Variants in VWA8 observed in about 807,000 individuals in gnomAD.
The protein encoded by VWA8 is von Willebrand factor A domain-containing protein 8.
VWA8 carries 221 observed loss-of-function variants against 241.5 expected under a neutral mutation model. That is an observed-to-expected ratio of 0.91 (90% CI 0.82 to 1.02). The LOEUF (loss-of-function observed/expected upper bound fraction) is 1.02. Ranked by LOEUF, VWA8 falls within the 50% of genes least tolerant of loss-of-function variation. The probability of loss-of-function intolerance (pLI) is 0.00; values close to 1 mark genes in which losing one functional copy is unlikely to be tolerated. For synonymous variants in VWA8, 852 were observed against 827.1 expected, an observed-to-expected ratio of 1.03 and a Z score of -0.52; for missense variants, 2,322 against 2,328.7, an observed-to-expected ratio of 1.00 and a Z score of 0.06.
chr13:41,796,278 A>T (rs1023530003), intron 17 of VWA8, among the ~76,000 whole-genome samples: 2 of 152,080 alleles, frequency 1.3e-5, no homozygotes, highest in Admixed American at 6.5e-5. Context: ...TAAGGCAGGG[A>T]TTCTAAATTT....
At chr13:41,575,598 T>A in intron 43 of VWA8, 142 bp downstream of exon 43, 1 of 584,478 alleles carries the variant, frequency 1.7e-6, no homozygotes. Context: ...GCATGATGGG[T>A]GTTTTCTCAG....
chr13:41,790,878 T>C (rs931616340), intron 17 of VWA8, among the ~76,000 whole-genome samples: 5 of 151,856 alleles, frequency 3.3e-5, no homozygotes, highest in Admixed American at 3.3e-4. Flanking sequence ...CAGATAAAAA[T>C]TGTTGCAATC....
chr13:41,602,820 T>C (rs924312108), intron 40 of VWA8, among the ~76,000 whole-genome samples: 3 of 152,034 alleles, frequency 2.0e-5, no homozygotes, highest in East Asian at 1.9e-4. Context: ...ACAATGACGA[T>C]GTAAAGCACC....
intron 37 of VWA8, among the ~76,000 whole-genome samples, chr13:41,621,502 G>A (rs896675621): frequency 6.6e-6 from 1 of 152,166 alleles, no homozygotes; most frequent in African/African-American, 2.4e-5. Flanking sequence ...GAACCATTCT[G>A]AACACCATTC....
At chr13:41,833,309 C>T in intron 13 of VWA8, 62 bp downstream of exon 13, 5 of 1,502,470 alleles carry the variant, frequency 3.3e-6, no homozygotes, top group Non-Finnish European at 2.7e-6. Flanking sequence ...ATAGTTCCAT[C>T]TTTACTGCTT....
At chr13:41,666,613 G>T (rs1429354139) in intron 37 of VWA8, among the ~76,000 whole-genome samples, 1 of 152,054 alleles carries the variant, frequency 6.6e-6, no homozygotes, top group Non-Finnish European at 1.5e-5. Flanking sequence ...TTGCAAAATG[G>T]AAACTGGCAA....
At chr13:41,712,056 T>C in intron 26 of VWA8, among the ~76,000 whole-genome samples, 1 of 151,704 alleles carries the variant, frequency 6.6e-6, no homozygotes, top group Admixed American at 6.6e-5. Flanking sequence ...CTCATGGACA[T>C]AGAGAATGGA....
intron 24 of VWA8, 151 bp from the exon 25 acceptor site, chr13:41,721,726 A>C: frequency 1.4e-6 from 1 of 729,138 alleles, no homozygotes; most frequent in Non-Finnish European, 2.1e-6. Context: ...AAGAAAGCAA[A>C]AGACTGAAGC....
chr13:41,790,516 CAGTT>C, intron 17 of VWA8, among the ~76,000 whole-genome samples: 1 of 152,082 alleles, frequency 6.6e-6, no homozygotes, highest in Middle Eastern at 3.4e-3. Context: ...ATATCAGAAA[CAGTT>C]AATCTTCATT....
intron 21 of VWA8, among the ~76,000 whole-genome samples, chr13:41,735,352 A>G (rs1019081198): frequency 1.5e-4 from 23 of 152,316 alleles, no homozygotes; most frequent in Admixed American, 1.0e-3. Context: ...TTAAAAAGAA[A>G]ATGAAGTTGC....
At chr13:41,878,574 A>C (rs1874013503) in intron 9 of VWA8, among the ~76,000 whole-genome samples, 1 of 152,142 alleles carries the variant, frequency 6.6e-6, no homozygotes. Flanking sequence ...CAGTTTACTG[A>C]GTTACAACTG....
chr13:41,960,973 C>T lies in VWA8; in HGVS notation c.43G>A (p.Gly15Ser), dbSNP rs543752211. The change falls in exon 1 of 45, where the codon GGC (glycine) becomes AGC (serine). Residue 15 changes from glycine (G) to serine (S), a missense_variant. By Grantham distance (56) the Gly-to-Ser change is moderately conservative. Transcript: ENST00000379310. ...LLLLGAPGGH[G>S]GPASRRMRLL... Reference sequence around the variant, plus strand: ...CGCATGCGCCGCGAGGCCGGGCCGCCGTGGCCTCCGGGTGCCCCGAGGAGT... The same window carrying T: ...CGCATGCGCCGCGAGGCCGGGCCGCTGTGGCCTCCGGGTGCCCCGAGGAGT... 8.0e-5 allele frequency: 115 copies of T among 1,429,290 alleles called. No individual in the cohort carries two copies. Among genetic ancestry groups the T allele is most frequent in the South Asian group, 6.6e-4 (45 of 68,582 alleles). 88.5% of individuals were successfully genotyped at this position (1,429,290 alleles called of 1,614,324 possible). A position where few individuals can be genotyped will look rare whatever the true frequency, so the allele number is the denominator to read the frequency against.
chr13:41,570,179 T>G (rs1405136242), intron 44 of VWA8, among the ~76,000 whole-genome samples: 1 of 152,182 alleles, frequency 6.6e-6, no homozygotes, highest in Non-Finnish European at 1.5e-5. Context: ...GCCAAATGTA[T>G]AAAATACTAC....
chr13:41,711,151 T>A (rs2045313365), intron 26 of VWA8, among the ~76,000 whole-genome samples: 1 of 152,166 alleles, frequency 6.6e-6, no homozygotes, highest in Non-Finnish European at 1.5e-5. Flanking sequence ...TACTAAAATA[T>A]GTTGATGCAT....
intron 36 of VWA8, 130 bp downstream of exon 36, chr13:41,675,085 C>A: frequency 1.7e-6 from 1 of 581,866 alleles, no homozygotes; most frequent in Admixed American, 3.5e-5. Context: ...TAGAAACCAA[C>A]TGTAACTGGA....
chr13:41,834,837 C>T (rs947326152), intron 12 of VWA8, among the ~76,000 whole-genome samples: 7 of 152,094 alleles, frequency 4.6e-5, no homozygotes, highest in African/African-American at 1.7e-4. Flanking sequence ...AACCTAAATG[C>T]CCATCAATGA....
chr13:41,575,941 T>TCAA, intron 42 of VWA8, 103 bp from the exon 43 acceptor site: 1 of 775,270 alleles, frequency 1.3e-6, no homozygotes, highest in Non-Finnish European at 2.1e-6. Context: ...CCAAAGTTGC[T>TCAA]CAACATATGG....
intron 14 of VWA8, among the ~76,000 whole-genome samples, chr13:41,820,333 A>G (rs1417734440): frequency 2.0e-5 from 3 of 152,204 alleles, no homozygotes; most frequent in Admixed American, 6.5e-5. Context: ...TTATATTACA[A>G]CCCAAAAGTT....
At chr13:41,828,454 CA>C (rs1205884336) in intron 14 of VWA8, among the ~76,000 whole-genome samples, 4 of 152,124 alleles carry the variant, frequency 2.6e-5, no homozygotes, top group African/African-American at 7.2e-5. Context: ...ACATATTTGT[CA>C]AACTTCATTC....
Sources: gnomAD v4.1 joint callset for allele counts (sites outside exome capture counted in the v4.1 genomes callset) on GRCh38, gnomAD v4.1.1 for gene constraint, MANE v1.5 for transcripts, NCBI Gene and HGNC (gene_info 2026-07-23, HGNC 2026-07-21) for gene names.